Variants in SUMF1 observed in about 807,000 individuals in gnomAD.
SUMF1 encodes the protein sulfatase modifying factor 1.
A neutral mutation model predicts 47.6 loss-of-function variants in SUMF1; 48 were observed. That is an observed-to-expected ratio of 1.01 (90% CI 0.80 to 1.28). The LOEUF (loss-of-function observed/expected upper bound fraction) is 1.28. SUMF1 is among the 50% of genes most tolerant of loss of function. The probability of loss-of-function intolerance (pLI) is 0.00; values close to 1 mark genes in which losing one functional copy is unlikely to be tolerated. For missense variants in SUMF1, 571 were observed against 485.4 expected (o/e 1.18, Z -1.66); for synonymous variants, 230 against 192.1 (o/e 1.20, Z -1.63).
intron 8 of SUMF1, among the ~76,000 whole-genome samples, chr3:4,367,103 C>T (rs565475575): frequency 4.1e-4 from 62 of 152,154 alleles, no homozygotes; most frequent in East Asian, 7.7e-4. Context: ...AGTACCCGGC[C>T]GTGTGAGGTG....
At chr3:4,421,316 T>C (rs966764498) in intron 3 of SUMF1, among the ~76,000 whole-genome samples, 1 of 152,148 alleles carries the variant, frequency 6.6e-6, no homozygotes, top group African/African-American at 2.4e-5. Context: ...GGAGGAAATA[T>C]AATACGCATA....
chr3:4,099,214 C>T (rs1341959533), intron 8 of SUMF1, among the ~76,000 whole-genome samples: 1 of 152,030 alleles, frequency 6.6e-6, no homozygotes. Flanking sequence ...TTGCTATACA[C>T]CTCCCCACTC....
downstream of SUMF1, among the ~76,000 whole-genome samples, chr3:4,359,119 C>G (rs972164250): frequency 9.2e-5 from 14 of 152,186 alleles, no homozygotes; most frequent in Non-Finnish European, 7.3e-5. Context: ...CTATGGCATT[C>G]AAACCGAACT....
intron 8 of SUMF1, among the ~76,000 whole-genome samples, chr3:4,254,233 C>T (rs977413449): frequency 3.9e-5 from 6 of 151,980 alleles, no homozygotes; most frequent in African/African-American, 1.2e-4. Flanking sequence ...AACACAGTTC[C>T]TCAACAGCAA....
chr3:4,269,655 T>C (rs1015219126), intron 8 of SUMF1, among the ~76,000 whole-genome samples: 1 of 152,120 alleles, frequency 6.6e-6, no homozygotes, highest in Non-Finnish European at 1.5e-5. Context: ...GTTATCCTGA[T>C]AATCAAAAAT....
intron 7 of SUMF1, among the ~76,000 whole-genome samples, chr3:4,393,633 T>TTTTATTTA (rs1175855229): frequency 3.3e-5 from 5 of 151,862 alleles, no homozygotes; most frequent in South Asian, 4.2e-4. Context: ...ATGACTGGCC[T>TTTTATTTA]TTTATTTATT....
chr3:4,120,182 T>C (rs1693507423), intron 8 of SUMF1, among the ~76,000 whole-genome samples: 1 of 152,092 alleles, frequency 6.6e-6, no homozygotes, highest in African/African-American at 2.4e-5. Flanking sequence ...AATTTATTTA[T>C]GTCTCTGTCT....
intron 8 of SUMF1, among the ~76,000 whole-genome samples, chr3:4,103,174 C>T (rs916486822): frequency 4.6e-5 from 7 of 151,236 alleles, no homozygotes; most frequent in Admixed American, 4.0e-4. Flanking sequence ...CCACCTGCCT[C>T]GGCCTCCCAA....
chr3:4,432,584 T>G (rs1702266982), intron 3 of SUMF1, among the ~76,000 whole-genome samples: 1 of 152,154 alleles, frequency 6.6e-6, no homozygotes, highest in Non-Finnish European at 1.5e-5. Context: ...TGCTCATTGT[T>G]TAGATTTCAG....
chr3:4,303,137 A>T (rs1268648993), intron 8 of SUMF1, among the ~76,000 whole-genome samples: 4 of 152,006 alleles, frequency 2.6e-5, no homozygotes, highest in Admixed American at 6.5e-5. Flanking sequence ...AAAGCACCTC[A>T]CTTTGTTTCG....
intron 7 of SUMF1, among the ~76,000 whole-genome samples, chr3:4,389,665 T>C (rs753918556): frequency 6.6e-5 from 10 of 152,212 alleles, no homozygotes; most frequent in Non-Finnish European, 1.2e-4. Context: ...CTGTTTTCTT[T>C]CCACTGCTCA....
intron 7 of SUMF1, among the ~76,000 whole-genome samples, chr3:4,388,010 T>C (rs1163947667): frequency 6.6e-6 from 1 of 152,096 alleles, no homozygotes; most frequent in Admixed American, 6.6e-5. Context: ...ACTTGGTATA[T>C]GTTCCATGCA....
At chr3:4,174,908 C>T (rs1043107932) in intron 8 of SUMF1, among the ~76,000 whole-genome samples, 1 of 152,226 alleles carries the variant, frequency 6.6e-6, no homozygotes, top group Admixed American at 6.5e-5. Context: ...GCAGCTCCCA[C>T]ACCCACGAAG....
chr3:4,041,787 T>C (rs1369053550), intron 9 of SUMF1, among the ~76,000 whole-genome samples: 1 of 152,192 alleles, frequency 6.6e-6, no homozygotes, highest in Non-Finnish European at 1.5e-5. Flanking sequence ...GCTATACCTC[T>C]TTTTGCCTTT....
chr3:4,128,820 G>C (rs774250890), intron 8 of SUMF1, among the ~76,000 whole-genome samples: 8 of 152,160 alleles, frequency 5.3e-5, no homozygotes, highest in Non-Finnish European at 1.2e-4. Context: ...GTTGGATCAG[G>C]CTGAATGTAT....
At chr3:4,203,946 AGTT>A (rs1005684246) in intron 8 of SUMF1, among the ~76,000 whole-genome samples, 59 of 148,498 alleles carry the variant, frequency 4.0e-4, no homozygotes, top group African/African-American at 1.4e-3. Flanking sequence ...TGTCTTAAAA[AGTT>A]GTTGTAGTTA....
chr3:4,447,489 C>CA (rs1702819828), intron 3 of SUMF1, among the ~76,000 whole-genome samples: 1 of 151,902 alleles, frequency 6.6e-6, no homozygotes, highest in African/African-American at 2.4e-5. Context: ...GGAGGCTTGC[C>CA]AATCTACCAC....
At position 4,417,257 on chromosome 3, in the gene SUMF1, A is replaced by T; in HGVS notation, c.726-15T>A. The stretch of plus-strand genomic sequence containing the variant: ...AGGGGAAAAGTCTGTCAGAAGAGAC[A>T]CAGGCATCAGCCTGTCAAACAGGCA... On this transcript the variant is annotated splice_polypyrimidine_tract_variant and intron_variant, in intron 5 of 8. Transcript: ENST00000272902. 6.2e-7 allele frequency: 1 copy of T among 1,611,328 alleles called. No homozygotes were observed. The highest frequency in any genetic ancestry group is 8.5e-7 in the Non-Finnish European group (1 of 1,177,528).
chr3:4,295,127 A>G (rs538742496), intron 8 of SUMF1, among the ~76,000 whole-genome samples: 3 of 152,188 alleles, frequency 2.0e-5, no homozygotes, highest in South Asian at 2.1e-4. Flanking sequence ...AACTGAGTAA[A>G]ATTTTTTGCA....
Sources: allele counts gnomAD v4.1 joint callset (sites outside exome capture counted in the v4.1 genomes callset), GRCh38; gene constraint gnomAD v4.1.1; transcripts MANE v1.5; gene names NCBI Gene and HGNC (gene_info 2026-07-23, HGNC 2026-07-21).